Variants in CEP85L observed in about 807,000 individuals in gnomAD.
The protein encoded by CEP85L is centrosomal protein 85L.
A neutral mutation model predicts 100.3 loss-of-function variants in CEP85L; 60 were observed. The ratio of observed to expected loss-of-function variants is 0.60; its 90% CI spans 0.49 to 0.74. The LOEUF is 0.74. Ranked by LOEUF, CEP85L falls within the 30% of genes least tolerant of loss-of-function variation. CEP85L has a pLI of 0.00. For missense variants in CEP85L, 973 were observed against 936.2 expected (o/e 1.04, Z -0.51); for synonymous variants, 319 against 322.7 (o/e 0.99, Z 0.12).
chr6:118,490,799 C>A (rs1273080295), intron 6 of CEP85L, among the ~76,000 whole-genome samples: 1 of 152,042 alleles, frequency 6.6e-6, no homozygotes, highest in Non-Finnish European at 1.5e-5. Context: ...AAAAATAAAT[C>A]TCAAAGACAT....
intron 2 of CEP85L, among the ~76,000 whole-genome samples, chr6:118,613,519 G>A (rs1772795952): frequency 6.6e-6 from 1 of 152,080 alleles, no homozygotes; most frequent in East Asian, 1.9e-4. Context: ...TACTTTGTGG[G>A]GCCAAGGCGG....
intron 12 of CEP85L, 47 bp from the exon 13 acceptor site, chr6:118,465,615 A>G (rs190592117): frequency 6.3e-7 from 1 of 1,579,020 alleles, no homozygotes; most frequent in African/African-American, 1.3e-5. Flanking sequence ...TTTTTGAACA[A>G]AGACATTTTA....
At chr6:118,680,283 AAAAG>A (rs939853096) in intron 1 of CEP85L, among the ~76,000 whole-genome samples, 3 of 149,954 alleles carry the variant, frequency 2.0e-5, no homozygotes, top group Admixed American at 1.3e-4. Context: ...AAAAAAAAAA[AAAAG>A]AATCTTTCCT....
At chr6:118,551,158 T>C (rs1778518804) in intron 3 of CEP85L, among the ~76,000 whole-genome samples, 1 of 151,952 alleles carries the variant, frequency 6.6e-6, no homozygotes, top group Admixed American at 6.6e-5. Context: ...TAGAATCAAG[T>C]AGTCTCTTTG....
rs570972632 is a variant in CEP85L, at chr6:118,559,389, G to A, written c.1020+6140C>T. On this transcript the variant is annotated intron_variant, in intron 3 of 12. Transcript: ENST00000368491. ...ATCTTTTCTGAAGATGAAGAGTTTA[G>A]TTTTAAAACTGCACTGCCAACAAGT... 1.1e-5 allele frequency: 4 copies of A among 370,162 alleles called. No homozygotes were observed. In the East Asian group the frequency reaches 2.7e-4, roughly 25 times the overall value. 22.9% of individuals were successfully genotyped at this position (370,162 alleles called of 1,614,324 possible).
rs116695159 is a variant in CEP85L, at chr6:118,572,444, C to T, written c.233-6128G>A. Among the ~76,000 whole-genome samples the T allele has an allele frequency of 2.0e-3, 297 of 151,864 alleles. 1 individual carries two copies. The highest frequency in any genetic ancestry group is 6.8e-3 in the African/African-American group (280 of 41,414). On this transcript the variant is annotated intron_variant, in intron 2 of 12. Coordinates refer to ENST00000368491, the MANE Select transcript of CEP85L (RefSeq NM_001042475.3). ...AAAATTAGCAGGGTGTCCTGGTGGG[C>T]GCCTGTAGTCCCAGCTACTTGGGAG...
chr6:118,648,805 T>C (rs1208843552), intron 1 of CEP85L, among the ~76,000 whole-genome samples: 1 of 151,648 alleles, frequency 6.6e-6, no homozygotes. Flanking sequence ...AGTCTAGTTA[T>C]ATATTTGTAT....
At chr6:118,680,305 G>GT (rs1651364332) in intron 1 of CEP85L, among the ~76,000 whole-genome samples, 3 of 85,590 alleles carry the variant, frequency 3.5e-5, no homozygotes, top group African/African-American at 9.2e-5. Flanking sequence ...CCTTGGTGTT[G>GT]CTTTTTTTTT....
At chr6:118,519,902 T>C (rs932985529) in intron 4 of CEP85L, among the ~76,000 whole-genome samples, 3 of 152,038 alleles carry the variant, frequency 2.0e-5, no homozygotes, top group African/African-American at 7.3e-5. Context: ...ATATCTCTTA[T>C]AAATATAAAT....
upstream of CEP85L, among the ~76,000 whole-genome samples, chr6:118,652,127 A>G (rs977060783): frequency 1.5e-4 from 23 of 152,298 alleles, no homozygotes; most frequent in African/African-American, 4.8e-4. Flanking sequence ...GCACCAGAAT[A>G]TAGCACCGGG....
At chr6:118,647,823 A>G (rs1775300807) in intron 1 of CEP85L, among the ~76,000 whole-genome samples, 1 of 152,222 alleles carries the variant, frequency 6.6e-6, no homozygotes, top group African/African-American at 2.4e-5. Flanking sequence ...CATTCTGAAC[A>G]ATAGGGTAAT....
At chr6:118,517,864 C>T (rs546474863) in intron 4 of CEP85L, among the ~76,000 whole-genome samples, 24 of 152,192 alleles carry the variant, frequency 1.6e-4, no homozygotes, top group African/African-American at 4.8e-4. Flanking sequence ...ATGATATTGG[C>T]GGTGGGTTTG....
At chr6:118,536,099 A>C (rs988692446) in intron 3 of CEP85L, among the ~76,000 whole-genome samples, 27 of 152,176 alleles carry the variant, frequency 1.8e-4, no homozygotes, top group Non-Finnish European at 8.8e-5. Flanking sequence ...GAAACAACCC[A>C]AATGTGTTAA....
intron 1 of CEP85L, among the ~76,000 whole-genome samples, chr6:118,676,271 A>G (rs1251843595): frequency 6.6e-6 from 1 of 152,142 alleles, no homozygotes; most frequent in African/African-American, 2.4e-5. Context: ...GATTACTGAA[A>G]TTTATTCCTC....
intron 2 of CEP85L, among the ~76,000 whole-genome samples, chr6:118,623,561 G>A (rs1773586159): frequency 6.6e-6 from 1 of 152,160 alleles, no homozygotes; most frequent in South Asian, 2.1e-4. Flanking sequence ...CTCAGGGAAA[G>A]TCGAAAAGGC....
chr6:118,514,047 T>C (rs370938315), intron 4 of CEP85L, among the ~76,000 whole-genome samples: 1 of 152,140 alleles, frequency 6.6e-6, no homozygotes, highest in Non-Finnish European at 1.5e-5. Flanking sequence ...ATACATAAAA[T>C]AGTATAGTAT....
At chr6:118,478,146 T>A (rs1190286871) in intron 10 of CEP85L, among the ~76,000 whole-genome samples, 1 of 152,124 alleles carries the variant, frequency 6.6e-6, no homozygotes, top group African/African-American at 2.4e-5. Context: ...AAGAATATTT[T>A]TTCAACCCAA....
chr6:118,598,297 A>G (rs1191914334), intron 2 of CEP85L, among the ~76,000 whole-genome samples: 1 of 152,186 alleles, frequency 6.6e-6, no homozygotes, highest in African/African-American at 2.4e-5. Context: ...CACTTTTTTA[A>G]TGATTTTCTG....
chr6:118,512,172 T>C (rs574894426), intron 4 of CEP85L, among the ~76,000 whole-genome samples: 2 of 152,156 alleles, frequency 1.3e-5, no homozygotes, highest in Non-Finnish European at 2.9e-5. Context: ...CTGCACTTCC[T>C]GCTGAGAGAG....
Sources: gnomAD v4.1 joint callset for allele counts (sites outside exome capture counted in the v4.1 genomes callset) on GRCh38, gnomAD v4.1.1 for gene constraint, MANE v1.5 for transcripts, NCBI Gene and HGNC (gene_info 2026-07-23, HGNC 2026-07-21) for gene names.